Variants in NRG3 observed in about 807,000 individuals in gnomAD.
The protein encoded by NRG3 is neuregulin 3.
A neutral mutation model predicts 66.9 loss-of-function variants in NRG3; 31 were observed. The ratio of observed to expected loss-of-function variants is 0.46; its 90% CI spans 0.35 to 0.63. The LOEUF (loss-of-function observed/expected upper bound fraction) is 0.63, where lower values mean the gene tolerates loss of function less well. Among genes scored for constraint, NRG3 ranks in the 20% least tolerant of loss-of-function variants. The pLI, the probability that NRG3 is intolerant of heterozygous loss-of-function variation, is 0.00. For synonymous variants in NRG3, 393 were observed against 359.4 expected, an observed-to-expected ratio of 1.09 and a Z score of -1.06; for missense variants, 910 against 878.9, an observed-to-expected ratio of 1.04 and a Z score of -0.45.
At chr10:82,822,338 G>A (rs2061987486) in intron 3 of NRG3, among the ~76,000 whole-genome samples, 1 of 152,032 alleles carries the variant, frequency 6.6e-6, no homozygotes, top group Non-Finnish European at 1.5e-5. Context: ...CTGAGACGGG[G>A]AGTTCCTGGG....
rs143430685 is a variant in NRG3 at position 81,937,056 on chromosome 10, G to A, written c.823+60893G>A. Among the ~76,000 whole-genome samples, 19 of 152,124 alleles carry A rather than the reference G, an allele frequency of 1.2e-4. No individual in the cohort carries two copies. The East Asian group carries it at 3.5e-3, about 28-fold the overall frequency. On this transcript the variant is annotated intron_variant, in intron 1 of 8. Coordinates refer to ENST00000372141, the MANE Select transcript of NRG3 (RefSeq NM_001010848.4). ...TGTCTTTCTGTGGCTGGCTTATTTC[G>A]CTTCACATAATGTCCTCAAGGTTCA...
At chr10:82,447,375 G>A (rs2090785230) in intron 2 of NRG3, among the ~76,000 whole-genome samples, 2 of 152,142 alleles carry the variant, frequency 1.3e-5, no homozygotes, top group African/African-American at 2.4e-5. Context: ...CTTGAGTCCA[G>A]GAGTTTCAGA....
chr10:82,728,899 C>T (rs2057750358), intron 2 of NRG3, among the ~76,000 whole-genome samples: 1 of 152,186 alleles, frequency 6.6e-6, no homozygotes, highest in South Asian at 2.1e-4. Flanking sequence ...GATAGCCTGA[C>T]TGTCCTCTGA....
chr10:82,769,320 A>G (rs1186093096), intron 3 of NRG3, among the ~76,000 whole-genome samples: 2 of 152,074 alleles, frequency 1.3e-5, no homozygotes, highest in East Asian at 3.9e-4. Flanking sequence ...AAATGTTTCC[A>G]TAGTTCCTGC....
chr10:81,915,504 T>TTTTTTTTTTG (rs1845612452), intron 1 of NRG3, among the ~76,000 whole-genome samples: 1 of 151,248 alleles, frequency 6.6e-6, no homozygotes, highest in African/African-American at 2.4e-5. Context: ...TAGTTTTTTT[T>TTTTTTTTTTG]TTTTTTGCCA....
At chr10:82,903,249 C>T (rs113850649) in intron 4 of NRG3, among the ~76,000 whole-genome samples, 3,112 of 152,116 alleles carry the variant, frequency 0.02, 37 homozygotes, top group Middle Eastern at 0.041. Context: ...CGTGGTGAGC[C>T]CAAATGTTGA....
chr10:82,097,508 A>T (rs147928204), intron 1 of NRG3, among the ~76,000 whole-genome samples: 4,472 of 149,480 alleles, frequency 0.03, 230 homozygotes, highest in African/African-American at 0.1. Flanking sequence ...TTAGATACAG[A>T]TATATGTTAT....
At chr10:82,705,277 A>AG (rs1297630925) in intron 2 of NRG3, among the ~76,000 whole-genome samples, 1 of 152,188 alleles carries the variant, frequency 6.6e-6, no homozygotes, top group African/African-American at 2.4e-5. Context: ...CAGTCTGATT[A>AG]GAAGGTCTGG....
intron 2 of NRG3, among the ~76,000 whole-genome samples, chr10:82,407,119 C>G (rs755944653): frequency 1.1e-4 from 8 of 71,930 alleles, no homozygotes; most frequent in African/African-American, 4.5e-4. Context: ...TTATTTTGAT[C>G]CTGCTTCAAT....
chr10:82,206,562 C>G (rs968528488), intron 1 of NRG3, among the ~76,000 whole-genome samples: 1 of 152,114 alleles, frequency 6.6e-6, no homozygotes, highest in African/African-American at 2.4e-5. Context: ...AATCTCCCCC[C>G]AATGCCAGTG....
rs549466650 is a variant in NRG3, at chr10:82,029,659, A to G, written c.823+153496A>G. 2.0e-5 allele frequency among the ~76,000 whole-genome samples: 3 copies of G among 152,202 alleles called. No homozygotes were observed. The East Asian group carries it at 5.8e-4, about 30-fold the overall frequency. On this transcript the variant is annotated intron_variant, in intron 1 of 8. Transcript: ENST00000372141. ...AGCACACTAGTTGGGAGTTAAAAAC[A>G]GTTTCTATTGATTTATATTTTTGAT...
intron 2 of NRG3, among the ~76,000 whole-genome samples, chr10:82,445,537 C>T (rs189702698): frequency 7.2e-5 from 11 of 152,232 alleles, no homozygotes; most frequent in Non-Finnish European, 8.8e-5. Flanking sequence ...GATTAAATGC[C>T]TTTCTCCCAC....
At chr10:81,921,855 A>G (rs1354010434) in intron 1 of NRG3, among the ~76,000 whole-genome samples, 1 of 152,134 alleles carries the variant, frequency 6.6e-6, no homozygotes, top group Admixed American at 6.5e-5. Context: ...TGGAAATGAC[A>G]TTTATGTTAA....
intron 2 of NRG3, among the ~76,000 whole-genome samples, chr10:82,720,138 C>G (rs1565237360): frequency 1.3e-5 from 2 of 152,276 alleles, no homozygotes; most frequent in South Asian, 2.1e-4. Context: ...GCCTGTAATC[C>G]TAGCACTTCG....
intron 2 of NRG3, among the ~76,000 whole-genome samples, chr10:82,661,282 A>T (rs190858069): frequency 8.9e-4 from 136 of 152,284 alleles, no homozygotes; most frequent in Non-Finnish European, 1.5e-3. Flanking sequence ...ATTGAGGAAA[A>T]CAGCCTTCTC....
At chr10:82,871,399 TG>T in intron 4 of NRG3, among the ~76,000 whole-genome samples, 1 of 152,248 alleles carries the variant, frequency 6.6e-6, no homozygotes, top group Admixed American at 6.5e-5. Flanking sequence ...TTGACTTTTC[TG>T]GATCTACTGC....
intron 1 of NRG3, among the ~76,000 whole-genome samples, chr10:82,263,258 G>T (rs1589513944): frequency 1.3e-5 from 2 of 152,226 alleles, no homozygotes; most frequent in South Asian, 4.1e-4. Context: ...ACAAGATAGA[G>T]ATGATTGAAT....
chr10:82,043,830 A>G (rs1318908144), intron 1 of NRG3, among the ~76,000 whole-genome samples: 1 of 152,100 alleles, frequency 6.6e-6, no homozygotes, highest in Non-Finnish European at 1.5e-5. Context: ...ACCATAAGCT[A>G]ATTGATATAA....
chr10:82,175,810 AC>A (rs1404515231), intron 1 of NRG3, among the ~76,000 whole-genome samples: 1 of 152,144 alleles, frequency 6.6e-6, no homozygotes, highest in Non-Finnish European at 1.5e-5. Context: ...AAAAATACAT[AC>A]TTTGGTAGAC....
Sources: allele counts gnomAD v4.1 joint callset (sites outside exome capture counted in the v4.1 genomes callset), GRCh38; gene constraint gnomAD v4.1.1; transcripts MANE v1.5; gene names NCBI Gene and HGNC (gene_info 2026-07-23, HGNC 2026-07-21).